Variants in MCF2L2 observed in about 807,000 individuals in gnomAD.
MCF2L2 encodes MCF.2 cell line derived transforming sequence-like 2.
A neutral mutation model predicts 150.2 loss-of-function variants in MCF2L2; 102 were observed. That is an observed-to-expected ratio of 0.68 (90% CI 0.58 to 0.80). MCF2L2 has a LOEUF of 0.80. MCF2L2 is among the 30% of genes least tolerant of loss of function. MCF2L2 has a pLI of 0.00. For missense variants in MCF2L2, 1,256 were observed against 1,372.8 expected (o/e 0.91, Z 1.34); for synonymous variants, 465 against 491.3 (o/e 0.95, Z 0.71).
intron 6 of MCF2L2, among the ~76,000 whole-genome samples, chr3:183,322,467 C>T (rs1448303750): frequency 6.6e-6 from 1 of 152,126 alleles, no homozygotes; most frequent in Non-Finnish European, 1.5e-5. Context: ...TAAGTTATGA[C>T]TACAAAAAAG....
At chr3:183,421,234 A>G (rs909664169) in intron 1 of MCF2L2, among the ~76,000 whole-genome samples, 62 of 152,142 alleles carry the variant, frequency 4.1e-4, no homozygotes, top group African/African-American at 1.4e-3. Flanking sequence ...AATTTTTTAA[A>G]TCATTATTTC....
At chr3:183,269,037 T>A (rs1726438368) in intron 15 of MCF2L2, among the ~76,000 whole-genome samples, 1 of 152,136 alleles carries the variant, frequency 6.6e-6, no homozygotes, top group South Asian at 2.1e-4. Context: ...AAAAGAAGTC[T>A]TACTCTTATT....
At chr3:183,314,446 T>C (rs1577056838) in intron 7 of MCF2L2, among the ~76,000 whole-genome samples, 4 of 152,236 alleles carry the variant, frequency 2.6e-5, no homozygotes, top group South Asian at 2.1e-4. Context: ...TTGAACAAAA[T>C]AGTAACAACT....
chr3:183,330,009 A>G (rs1282022310), intron 5 of MCF2L2, among the ~76,000 whole-genome samples: 1 of 152,066 alleles, frequency 6.6e-6, no homozygotes, highest in African/African-American at 2.4e-5. Flanking sequence ...CTGACACAGG[A>G]GGATCGTTTG....
intron 5 of MCF2L2, among the ~76,000 whole-genome samples, chr3:183,328,777 T>C (rs1368656855): frequency 1.3e-5 from 2 of 152,144 alleles, no homozygotes; most frequent in East Asian, 1.9e-4. Flanking sequence ...TTGCAAGTCA[T>C]ATATCAGACA....
intron 1 of MCF2L2, among the ~76,000 whole-genome samples, chr3:183,413,838 T>C (rs558489811): frequency 1.3e-5 from 2 of 152,336 alleles, no homozygotes; most frequent in Non-Finnish European, 2.9e-5. Flanking sequence ...TAAGTGTAAG[T>C]GGATCGCCAT....
At position 183,317,537 on chromosome 3, in the gene MCF2L2, C is replaced by T. The variant is rs958024700; in HGVS notation, c.753+531G>A. Among the ~76,000 whole-genome samples the T allele has an allele frequency of 4.6e-5, 7 of 152,240 alleles. No individual in the cohort carries two copies. The South Asian group carries it at 6.2e-4, about 14-fold the overall frequency. ...CTTCAACTCAGGACAGGGTGCCTTC[C>T]GTAGTCCTTTTTCTCAAATTCATCC... On this transcript the variant is annotated intron_variant, in intron 7 of 29. Transcript: ENST00000328913.
chr3:183,230,961 C>T lies in MCF2L2; in HGVS notation c.1919G>A (p.Ser640Asn). 1 of 1,613,194 alleles carries T rather than the reference C, an allele frequency of 6.2e-7. No individual in the cohort carries two copies. Reference protein sequence around the residue: ...TEEIYIKEIKSIIDGYITPMD... With the variant: ...TEEIYIKEIKNIIDGYITPMD... ...CCCAAATCTACTTACATCAATTATG[C>T]TTTTAATCTCTTTTATGTAAATCTC... The change falls in exon 16 of 30, where the codon AGC (serine) becomes AAC (asparagine). Residue 640 changes from serine (S) to asparagine (N), a missense_variant. Transcript: ENST00000328913.
chr3:183,189,761 C>T (rs555665365), intron 27 of MCF2L2, among the ~76,000 whole-genome samples: 156 of 152,346 alleles, frequency 1.0e-3, no homozygotes, highest in Middle Eastern at 6.8e-3. Context: ...TACAGTTGGT[C>T]CTTGGCTGTA....
rs557169967 is a variant in MCF2L2, at chr3:183,239,546, C to G, written c.1863-8529G>C. 2.8e-3 allele frequency among the ~76,000 whole-genome samples: 430 copies of G among 152,210 alleles called. 2 individuals are homozygous for G. The highest frequency in any genetic ancestry group is 9.7e-3 in the African/African-American group (403 of 41,496). ...TTCTTCTTTGTTCATGTGCCCTCCT[C>G]TGCTCCCCCTTTGAACTACTGCCCC... On this transcript the variant is annotated intron_variant, in intron 15 of 29. Coordinates refer to ENST00000328913, the MANE Select transcript of MCF2L2 (RefSeq NM_015078.4).
chr3:183,400,908 A>G (rs540745093), intron 1 of MCF2L2, among the ~76,000 whole-genome samples: 17 of 152,280 alleles, frequency 1.1e-4, no homozygotes, highest in East Asian at 9.6e-4. Flanking sequence ...CTTCTCTTCT[A>G]ACCTCTCTAG....
At chr3:183,416,503 G>A (rs935210197) in intron 1 of MCF2L2, among the ~76,000 whole-genome samples, 12 of 152,204 alleles carry the variant, frequency 7.9e-5, no homozygotes, top group Middle Eastern at 3.4e-3. Context: ...AACTTACAAT[G>A]GGGTTATGTC....
At chr3:183,291,605 T>C (rs74812147) in intron 13 of MCF2L2, among the ~76,000 whole-genome samples, 3,046 of 152,310 alleles carry the variant, frequency 0.02, 58 homozygotes, top group East Asian at 0.051. Context: ...ATCTTCTTTA[T>C]ACTGTGAAAT....
chr3:183,427,641 G>A (rs1716235368), intron 1 of MCF2L2, among the ~76,000 whole-genome samples: 2 of 150,824 alleles, frequency 1.3e-5, no homozygotes, highest in South Asian at 4.2e-4. Context: ...AGCAGCCCTC[G>A]GTTTGGAGCT....
At chr3:183,278,035 A>C (rs1344028938) in intron 14 of MCF2L2, among the ~76,000 whole-genome samples, 1 of 150,630 alleles carries the variant, frequency 6.6e-6, no homozygotes, top group Non-Finnish European at 1.5e-5. Context: ...AAATACAAAA[A>C]TTAGCCGGGC....
intron 3 of MCF2L2, among the ~76,000 whole-genome samples, chr3:183,369,595 C>T (rs1383841371): frequency 6.6e-6 from 1 of 152,096 alleles, no homozygotes; most frequent in African/African-American, 2.4e-5. Context: ...TTTGGCCACC[C>T]TGCTCAACAT....
intron 5 of MCF2L2, among the ~76,000 whole-genome samples, chr3:183,337,508 G>A (rs947065612): frequency 3.6e-4 from 51 of 142,526 alleles, no homozygotes; most frequent in Admixed American, 2.2e-4. Flanking sequence ...AGCTGAAATT[G>A]CGCCACTGCA....
chr3:183,395,934 A>T (rs1002999462), intron 1 of MCF2L2, among the ~76,000 whole-genome samples: 2 of 115,842 alleles, frequency 1.7e-5, no homozygotes, highest in Non-Finnish European at 4.0e-5. Context: ...AAAAAAAAAA[A>T]AAAAGAAAGA....
intron 23 of MCF2L2, 41 bp downstream of exon 23, chr3:183,207,567 C>T: frequency 1.4e-6 from 2 of 1,453,822 alleles, no homozygotes; most frequent in Non-Finnish European, 1.9e-6. Context: ...TCTCTCTTTT[C>T]TGCATAGGGC....
Sources: gnomAD v4.1 joint callset for allele counts (sites outside exome capture counted in the v4.1 genomes callset) on GRCh38, gnomAD v4.1.1 for gene constraint, MANE v1.5 for transcripts, NCBI Gene and HGNC (gene_info 2026-07-23, HGNC 2026-07-21) for gene names.